MEGF11: variants seen among roughly 807,000 people sequenced by gnomAD.
MEGF11 encodes multiple epidermal growth factor-like domains protein 11.
In MEGF11, 126 loss-of-function variants were observed where a neutral mutation model predicts 146.6. The ratio of observed to expected loss-of-function variants is 0.86; its 90% CI spans 0.74 to 1.00. The LOEUF (loss-of-function observed/expected upper bound fraction) is 1.00. Among genes scored for constraint, MEGF11 ranks in the 50% least tolerant of loss-of-function variants. The probability of loss-of-function intolerance (pLI) is 0.00; values close to 1 mark genes in which losing one functional copy is unlikely to be tolerated. For synonymous variants in MEGF11, 532 were observed against 583.4 expected (o/e 0.91, Z 1.27); for missense variants, 1,509 against 1,521.2 (o/e 0.99, Z 0.13).
chr15:65,960,120 G>GAAAATATATCAAATCTAA (rs1233377713), intron 9 of MEGF11, among the ~76,000 whole-genome samples: 1 of 152,140 alleles, frequency 6.6e-6, no homozygotes, highest in African/African-American at 2.4e-5. Context: ...TTTCAAATAT[G>GAAAATATATCAAATCTAA]AAAATATATC....
chr15:66,169,536 G>A (rs768730180), intron 1 of MEGF11, among the ~76,000 whole-genome samples: 8 of 152,334 alleles, frequency 5.3e-5, no homozygotes, highest in Non-Finnish European at 7.3e-5. Flanking sequence ...CGGTGAACCC[G>A]CATACTTGCT....
At chr15:65,994,529 A>G (rs1020766288) in intron 5 of MEGF11, among the ~76,000 whole-genome samples, 11 of 152,136 alleles carry the variant, frequency 7.2e-5, no homozygotes, top group African/African-American at 2.7e-4. Context: ...AAGAGGAGTG[A>G]GAGAGGAGTT....
At chr15:66,217,021 C>G (rs2091603218) in intron 1 of MEGF11, among the ~76,000 whole-genome samples, 1 of 152,378 alleles carries the variant, frequency 6.6e-6, no homozygotes, top group Admixed American at 6.5e-5. Flanking sequence ...TGGTTGCCAC[C>G]ACATTGCAGC....
At chr15:66,007,156 G>A (rs561843439) in intron 5 of MEGF11, among the ~76,000 whole-genome samples, 109 of 152,348 alleles carry the variant, frequency 7.2e-4, no homozygotes, top group Admixed American at 3.3e-3. Context: ...GTCAGCACAC[G>A]TGAGTCACCA....
At chr15:66,187,709 T>A (rs1266464967) in intron 1 of MEGF11, among the ~76,000 whole-genome samples, 1 of 151,864 alleles carries the variant, frequency 6.6e-6, no homozygotes, top group Non-Finnish European at 1.5e-5. Context: ...TTGGCCAGGG[T>A]CGTGGGGCTT....
intron 5 of MEGF11, among the ~76,000 whole-genome samples, chr15:66,008,792 C>T (rs908998931): frequency 6.6e-6 from 1 of 150,840 alleles, no homozygotes; most frequent in African/African-American, 2.4e-5. Context: ...CCCCTGCGCT[C>T]CAGCTTGGAC....
chr15:66,015,872 ATCT>A (rs144377009), intron 5 of MEGF11, among the ~76,000 whole-genome samples: 236 of 113,768 alleles, frequency 2.1e-3, no homozygotes, highest in Middle Eastern at 9.6e-3. Flanking sequence ...TCCACTGATG[ATCT>A]TCTTTTCCCT....
At chr15:66,244,212 C>T (rs1360592740) in intron 1 of MEGF11, among the ~76,000 whole-genome samples, 1 of 152,170 alleles carries the variant, frequency 6.6e-6, no homozygotes, top group Non-Finnish European at 1.5e-5. Flanking sequence ...AAACATCGCC[C>T]ACTCCTCCCA....
intron 5 of MEGF11, among the ~76,000 whole-genome samples, chr15:66,042,298 C>T (rs541364576): frequency 1.1e-4 from 16 of 152,014 alleles, no homozygotes; most frequent in African/African-American, 2.4e-4. Context: ...TTAGTAGAGA[C>T]GGGGTTTCAC....
Position 66,064,677 on chromosome 15 carries a change from C to T in MEGF11, c.394+29725G>A, listed in dbSNP as rs573383400. The stretch of plus-strand genomic sequence containing the variant: ...GGATTACAGGCATGTACCACCATCC[C>T]GGCTAATTTTGTATTTTTTTTCTTT... On this transcript the variant is annotated intron_variant, in intron 5 of 25. Transcript: ENST00000395614. 2.2e-5 allele frequency among the ~76,000 whole-genome samples: 3 copies of T among 139,070 alleles called. No homozygotes were observed. In the South Asian group the frequency reaches 8.3e-4, roughly 39 times the overall value. 91.2% of individuals were successfully genotyped at this position (139,070 alleles called of 152,430 possible).
chr15:66,230,144 G>T (rs867604312), intron 1 of MEGF11, among the ~76,000 whole-genome samples: 1 of 152,134 alleles, frequency 6.6e-6, no homozygotes, highest in African/African-American at 2.4e-5. Context: ...TCCGAGCCCA[G>T]GCAAGCTCAC....
At chr15:66,202,967 C>A (rs770142041) in intron 1 of MEGF11, among the ~76,000 whole-genome samples, 1 of 152,168 alleles carries the variant, frequency 6.6e-6, no homozygotes, top group Non-Finnish European at 1.5e-5. Context: ...GGCTGTAAGA[C>A]GGGTGCTATT....
chr15:65,900,769 G>A (rs2078476560), intron 24 of MEGF11, among the ~76,000 whole-genome samples: 1 of 152,240 alleles, frequency 6.6e-6, no homozygotes, highest in Admixed American at 6.5e-5. Context: ...TAGCCCAGAA[G>A]TAGAGAGGGA....
At chr15:66,079,538 C>A (rs55836767) in intron 5 of MEGF11, among the ~76,000 whole-genome samples, 1 of 13,044 alleles carries the variant, frequency 7.7e-5, no homozygotes, top group African/African-American at 2.7e-4. Context: ...TTCATTCACA[C>A]CCCCCCCCCC....
At chr15:66,100,726 T>C (rs1424611832) in intron 4 of MEGF11, among the ~76,000 whole-genome samples, 4 of 152,286 alleles carry the variant, frequency 2.6e-5, no homozygotes, top group Admixed American at 6.5e-5. Flanking sequence ...ATTAAGCACC[T>C]ACTATGTGCC....
At chr15:65,912,395 G>T (rs532205777) in intron 20 of MEGF11, 195 bp from the exon 21 acceptor site, 5 of 373,488 alleles carry the variant, frequency 1.3e-5, no homozygotes, top group Non-Finnish European at 2.4e-5. Context: ...CTTCCCTTAC[G>T]CTGGTCCTCC....
intron 7 of MEGF11, among the ~76,000 whole-genome samples, chr15:65,973,025 G>T (rs1252739033): frequency 6.6e-6 from 1 of 151,970 alleles, no homozygotes; most frequent in Non-Finnish European, 1.5e-5. Context: ...GCTGAGGCAG[G>T]AGAATCGCTT....
At chr15:66,223,496 G>A (rs2091782026) in intron 1 of MEGF11, among the ~76,000 whole-genome samples, 1 of 152,210 alleles carries the variant, frequency 6.6e-6, no homozygotes, top group Non-Finnish European at 1.5e-5. Flanking sequence ...TGCGAGATGG[G>A]TGGATCACTT....
At chr15:66,243,568 A>G (rs1198408569) in intron 1 of MEGF11, among the ~76,000 whole-genome samples, 1 of 152,210 alleles carries the variant, frequency 6.6e-6, no homozygotes, top group Non-Finnish European at 1.5e-5. Context: ...GTGAGATGCC[A>G]AATTGTTGGT....
Sources: allele counts gnomAD v4.1 joint callset (sites outside exome capture counted in the v4.1 genomes callset), GRCh38; gene constraint gnomAD v4.1.1; transcripts MANE v1.5; gene names NCBI Gene and HGNC (gene_info 2026-07-23, HGNC 2026-07-21).